EXD3: variants seen among roughly 807,000 people sequenced by gnomAD.
EXD3 encodes exonuclease mut-7 homolog.
In EXD3, 92 loss-of-function variants were observed where a neutral mutation model predicts 98.0. That is an observed-to-expected ratio of 0.94 (90% CI 0.79 to 1.12). The LOEUF is 1.12. Ranked by LOEUF, EXD3 falls within the 50% of genes most tolerant of loss-of-function variation. The pLI is 0.00. For synonymous variants in EXD3, 569 were observed against 526.0 expected (o/e 1.08, Z -1.12); for missense variants, 1,222 against 1,191.6 (o/e 1.03, Z -0.38).
In EXD3 at chr9:137,383,334, C is replaced by A; in HGVS notation, c.99G>T (p.Trp33Cys). The A allele has an allele frequency of 1.3e-6, 2 of 1,550,458 alleles. No individual in the cohort carries two copies. Among genetic ancestry groups the A allele is most frequent in the Non-Finnish European group, 1.7e-6 (2 of 1,146,872 alleles). ...TCACCTGCTTCCGCTCCCGCGTGGA[C>A]CACAGGGTCTGCAGGGCCTGCAGGA... Reference protein sequence around the residue: ...LLLLQALQTLWSTRERKQLRE... With the variant: ...LLLLQALQTLCSTRERKQLRE... The change falls in exon 3 of 22, where the codon TGG (tryptophan) becomes TGT (cysteine). Residue 33 changes from tryptophan (W) to cysteine (C), a missense_variant. By Grantham distance (215) the Trp-to-Cys change is radical (BLOSUM62 -2). Transcript: ENST00000340951.
chr9:137,400,131 A>G (rs918193013), intron 1 of EXD3, among the ~76,000 whole-genome samples: 1 of 152,026 alleles, frequency 6.6e-6, no homozygotes, highest in African/African-American at 2.4e-5. Flanking sequence ...GAAGAATAGC[A>G]TGGGAAAAAC....
intron 19 of EXD3, among the ~76,000 whole-genome samples, chr9:137,311,480 C>A (rs1282116079): frequency 2.0e-5 from 3 of 152,230 alleles, no homozygotes; most frequent in African/African-American, 4.8e-5. Flanking sequence ...GCTCCCCACA[C>A]CCCCAAATAC....
At chr9:137,422,241 A>G (rs570159288) in intron 1 of EXD3, among the ~76,000 whole-genome samples, 5 of 152,280 alleles carry the variant, frequency 3.3e-5, no homozygotes, top group African/African-American at 4.8e-5. Context: ...TTGATAATCA[A>G]TGCTTTCAAG....
At chr9:137,355,586 GA>G (rs1564508649) in intron 8 of EXD3, among the ~76,000 whole-genome samples, 8 of 69,212 alleles carry the variant, frequency 1.2e-4, no homozygotes, top group Admixed American at 1.5e-4. Context: ...AAGGAGGAAG[GA>G]GAAAGGGCGG....
chr9:137,372,890 A>G lies in EXD3; in HGVS notation c.462+15T>C. On this transcript the variant is annotated intron_variant, in intron 5 of 21. Coordinates refer to ENST00000340951, the MANE Select transcript of EXD3 (RefSeq NM_017820.5). ...AAGCCGTTTCCCCATGAGCCCGGCC[A>G]CGTGGGCCACTCACTTCTCTGAACC... 6.3e-7 allele frequency: 1 copy of G among 1,597,080 alleles called. No individual in the cohort carries two copies. The highest frequency in any genetic ancestry group is 8.5e-7 in the Non-Finnish European group (1 of 1,179,512).
chr9:137,421,477 G>A (rs1188028975), intron 1 of EXD3, among the ~76,000 whole-genome samples: 5 of 152,190 alleles, frequency 3.3e-5, no homozygotes, highest in African/African-American at 1.2e-4. Flanking sequence ...TTCTAGCCCT[G>A]ATCATTGTAT....
intron 17 of EXD3, among the ~76,000 whole-genome samples, chr9:137,341,199 C>T (rs1833639896): frequency 6.6e-6 from 1 of 152,220 alleles, no homozygotes; most frequent in South Asian, 2.1e-4. Context: ...TGCCTGTGTT[C>T]CTGGCTACTC....
intron 1 of EXD3, among the ~76,000 whole-genome samples, chr9:137,410,047 G>A (rs1019118608): frequency 2.6e-5 from 4 of 151,938 alleles, no homozygotes; most frequent in African/African-American, 4.8e-5. Context: ...ATGGTGGCAG[G>A]TGCCTGTAAT....
chr9:137,399,308 C>T (rs531252676), intron 1 of EXD3, among the ~76,000 whole-genome samples: 65 of 152,312 alleles, frequency 4.3e-4, no homozygotes, highest in African/African-American at 1.4e-3. Flanking sequence ...CTGGGGGCTC[C>T]GTGGCCACCC....
chr9:137,395,167 G>T lies in EXD3; in HGVS notation c.55+136C>A. 1.3e-6 allele frequency: 1 copy of T among 782,288 alleles called. No homozygotes were observed. Among genetic ancestry groups the T allele is most frequent in the South Asian group, 1.5e-5 (1 of 65,292 alleles). The allele number at this position is 782,288 out of a possible 1,614,324, so 48.5% of individuals were successfully genotyped here. ...AAGGTCCCAAGCCGTGGACACTGTA[G>T]AGAGGCCCGCAGCTAGGGGCCAGCA... On this transcript the variant is annotated intron_variant, in intron 2 of 21. Coordinates refer to ENST00000340951, the MANE Select transcript of EXD3 (RefSeq NM_017820.5). The surrounding 1 kb of genome is among the most constrained non-coding windows in gnomAD (Gnocchi z 6.5).
intron 19 of EXD3, among the ~76,000 whole-genome samples, chr9:137,320,716 C>T (rs1201304600): frequency 6.6e-6 from 1 of 152,194 alleles, no homozygotes; most frequent in Non-Finnish European, 1.5e-5. Context: ...CAGGGCTTGG[C>T]GGCCCCTCCA....
intron 19 of EXD3, among the ~76,000 whole-genome samples, chr9:137,313,863 C>T (rs1253544453): frequency 6.6e-6 from 1 of 152,202 alleles, no homozygotes; most frequent in African/African-American, 2.4e-5. Flanking sequence ...TAAAATCTCA[C>T]TCCGTCCCAC....
rs143563390 is a variant in EXD3, at chr9:137,355,008, C to T, written c.758-235G>A. Reference sequence around the variant, plus strand: ...CTTGCACTTGTGTGGCGGGCCCTTTCGTCTGGCCTCCCTCTGGGGCCTCCC... The same window carrying T: ...CTTGCACTTGTGTGGCGGGCCCTTTTGTCTGGCCTCCCTCTGGGGCCTCCC... On this transcript the variant is annotated intron_variant, in intron 8 of 21. Coordinates refer to ENST00000340951, the MANE Select transcript of EXD3 (RefSeq NM_017820.5). 4.8e-4 allele frequency among the ~76,000 whole-genome samples: 73 copies of T among 152,324 alleles called. No individual in the cohort carries two copies. In the East Asian group the frequency reaches 0.011, roughly 23 times the overall value.
intron 19 of EXD3, among the ~76,000 whole-genome samples, chr9:137,316,177 T>C (rs1450205049): frequency 4.1e-5 from 6 of 147,234 alleles, no homozygotes; most frequent in African/African-American, 1.5e-4. Context: ...CCGGGCCGCG[T>C]GGGAAAGTGG....
At chr9:137,354,935 G>T (rs1433354944) in intron 8 of EXD3, among the ~76,000 whole-genome samples, 162 bp from the exon 9 acceptor site, 1 of 152,172 alleles carries the variant, frequency 6.6e-6, no homozygotes, top group Non-Finnish European at 1.5e-5. Context: ...GGCCTCTGCT[G>T]GGGTCCACCC....
chr9:137,378,828 G>A (rs560892793), intron 3 of EXD3, among the ~76,000 whole-genome samples: 72 of 152,388 alleles, frequency 4.7e-4, no homozygotes, highest in African/African-American at 1.6e-3. Flanking sequence ...GCAGTGGCTA[G>A]GGCCTGTGTG....
chr9:137,371,349 C>T lies in EXD3; in HGVS notation c.462+1556G>A, dbSNP rs1397474851. ...TGCACCCGCCGCGAGACGACGGCCC[C>T]GGGCGTGGCAGGTGACAGCGCCAGG... On this transcript the variant is annotated intron_variant, in intron 5 of 21. Transcript: ENST00000340951. This position sits in a 1 kb window ranked among gnomAD's most constrained non-coding sequence, Gnocchi z 8.0. Among the ~76,000 whole-genome samples the T allele has an allele frequency of 2.0e-5, 3 of 152,178 alleles. No individual in the cohort carries two copies. Among genetic ancestry groups the T allele is most frequent in the East Asian group, 1.9e-4 (1 of 5,184 alleles).
chr9:137,323,785 C>T lies in EXD3; in HGVS notation c.2124G>A (p.Lys708=), dbSNP rs575618411. 1.2e-6 allele frequency: 2 copies of T among 1,612,388 alleles called. No individual in the cohort carries two copies. Among genetic ancestry groups the T allele is most frequent in the African/African-American group, 1.3e-5 (1 of 75,054 alleles). ...DCSLKAQQQA[K]AVLKHFNVRV... is the part of the protein sequence containing the mutation. ...GCACGTTGAAATGCTTGAGCACAGC[C>T]TTGGCCTGCTGCTGGGCCTTCAGGG... The change falls in exon 19 of 22, where the codon AAG becomes AAA. Residue 708 remains lysine (K), a synonymous_variant. Coordinates refer to ENST00000340951, the MANE Select transcript of EXD3 (RefSeq NM_017820.5).
rs571989359 is a variant in EXD3, at chr9:137,337,519, C to T, written c.1998+10552G>A. 5.3e-5 allele frequency among the ~76,000 whole-genome samples: 8 copies of T among 151,906 alleles called. No individual in the cohort carries two copies. The South Asian group carries it at 6.3e-4, about 12-fold the overall frequency. On this transcript the variant is annotated intron_variant, in intron 17 of 21. Transcript: ENST00000340951. The stretch of plus-strand genomic sequence containing the variant: ...TACAAAAATTAGCCGGGTGTGGTGG[C>T]GGACACCTGTAATCCCAGCTACTTG...
Sources: allele counts gnomAD v4.1 joint callset (sites outside exome capture counted in the v4.1 genomes callset), GRCh38; gene constraint gnomAD v4.1.1; non-coding constraint Gnocchi (gnomAD v3.1); transcripts MANE v1.5; gene names NCBI Gene and HGNC (gene_info 2026-07-23, HGNC 2026-07-21).